The following PTPRQ variants were observed in gnomAD, a reference collection of about 807,000 sequenced individuals.
The protein encoded by PTPRQ is protein tyrosine phosphatase receptor type Q, also known as phosphatidylinositol phosphatase PTPRQ.
In PTPRQ, 199 loss-of-function variants were observed where a neutral mutation model predicts 246.0. The observed-to-expected ratio is 0.81, with a 90% CI of 0.72 to 0.91. PTPRQ has a LOEUF of 0.91. PTPRQ is among the 40% of genes least tolerant of loss of function. PTPRQ has a pLI of 0.00. For missense variants in PTPRQ, 2,624 were observed against 2,528.4 expected, an observed-to-expected ratio of 1.04 and a Z score of -0.81; for synonymous variants, 869 against 853.2, an observed-to-expected ratio of 1.02 and a Z score of -0.32.
intron 14 of PTPRQ, among the ~76,000 whole-genome samples, chr12:80,499,682 C>CT (rs35320628): frequency 1.2e-4 from 18 of 151,786 alleles, no homozygotes; most frequent in African/African-American, 4.3e-4. Context: ...AATGCCTTAT[C>CT]TTTTTAAGAG....
Position 80,673,321 on chromosome 12 carries a change from T to C in PTPRQ, c.6738+17T>C, listed in dbSNP as rs936318881. On this transcript the variant is annotated intron_variant, in intron 43 of 44. Transcript: ENST00000644991. ...CAGAATCTGGTAAGATCTCTAAACCTGCACTGCATTCTAAAGTTCTAGAAT... is the reference window on the plus strand; with the variant it reads ...CAGAATCTGGTAAGATCTCTAAACCCGCACTGCATTCTAAAGTTCTAGAAT... 1 of 1,538,250 alleles carries C rather than the reference T, an allele frequency of 6.5e-7. No individual in the cohort carries two copies. The highest frequency in any genetic ancestry group is 8.8e-7 in the Non-Finnish European group (1 of 1,141,546).
At chr12:80,463,535 T>C (rs550798172) in intron 6 of PTPRQ, among the ~76,000 whole-genome samples, 5,920 of 151,866 alleles carry the variant, frequency 0.039, 395 homozygotes, top group African/African-American at 0.14. Context: ...AGATACTCCT[T>C]GAGAAGAGCA....
intron 22 of PTPRQ, 120 bp from the exon 23 acceptor site, chr12:80,542,610 A>G: frequency 8.0e-7 from 1 of 1,252,988 alleles, no homozygotes; most frequent in African/African-American, 1.6e-5. Context: ...TGTTTCTGAA[A>G]TTTAAATATG....
At chr12:80,539,742 T>C in intron 19 of PTPRQ, 34 bp from the exon 20 acceptor site, 1 of 1,492,866 alleles carries the variant, frequency 6.7e-7, no homozygotes, top group Non-Finnish European at 8.9e-7. Context: ...ACTAAAAAAA[T>C]ACATTCTGAA....
At chr12:80,618,063 C>T (rs1219596660) in intron 30 of PTPRQ, among the ~76,000 whole-genome samples, 1 of 151,318 alleles carries the variant, frequency 6.6e-6, no homozygotes. Flanking sequence ...CTTACACATC[C>T]AGTCTCATTT....
intron 27 of PTPRQ, among the ~76,000 whole-genome samples, chr12:80,606,296 A>G (rs1406169): frequency 0.063 from 9,538 of 150,990 alleles, 913 homozygotes; most frequent in African/African-American, 0.2. Context: ...CAAAATTATA[A>G]GAGTGAATGA....
rs1161543075 is a variant in PTPRQ, at chr12:80,445,620, C to T, written c.293C>T (p.Pro98Leu). 54 of 1,549,788 alleles carry T rather than the reference C, an allele frequency of 3.5e-5. No homozygotes were observed. Among genetic ancestry groups the T allele is most frequent in the South Asian group, 7.1e-5 (6 of 84,012 alleles). The change falls in exon 3 of 45, where the codon CCG becomes CTG. Residue 98 changes from proline to leucine, a missense_variant. Coordinates refer to ENST00000644991, the MANE Select transcript of PTPRQ (RefSeq NM_001145026.2). ...ATTGTCAAATATAAGGAAGTTTGTC[C>T]GTGGATGCAAACAGTATATACACAA... ...SYIVKYKEVCPWMQTVYTQVR... is the reference protein window; with the variant it reads ...SYIVKYKEVCLWMQTVYTQVR...
chr12:80,510,992 C>T (rs1225886492), intron 17 of PTPRQ, among the ~76,000 whole-genome samples: 2 of 152,250 alleles, frequency 1.3e-5, no homozygotes, highest in Middle Eastern at 3.4e-3. Flanking sequence ...CATGCTTATA[C>T]TACTTCATGA....
intron 28 of PTPRQ, 47 bp from the exon 29 acceptor site, chr12:80,613,540 TAAAAA>T: frequency 2.8e-6 from 4 of 1,427,126 alleles, no homozygotes; most frequent in Non-Finnish European, 3.7e-6. Flanking sequence ...TATGTGGAGA[TAAAAA>T]GGAATACAAT....
intron 24 of PTPRQ, among the ~76,000 whole-genome samples, chr12:80,548,364 T>C (rs1035796489): frequency 2.0e-5 from 3 of 152,154 alleles, no homozygotes; most frequent in African/African-American, 4.8e-5. Flanking sequence ...AATGTTCTTA[T>C]ATGATTCTGA....
At chr12:80,614,742 A>T (rs952603767) in intron 29 of PTPRQ, among the ~76,000 whole-genome samples, 3 of 150,798 alleles carry the variant, frequency 2.0e-5, no homozygotes. Context: ...CGTCTGTGCC[A>T]GGGCAGCTTT....
At chr12:80,510,502 G>A in intron 17 of PTPRQ, 59 bp downstream of exon 17, 6 of 1,381,952 alleles carry the variant, frequency 4.3e-6, no homozygotes, top group Non-Finnish European at 5.7e-6. Flanking sequence ...TAACATAATA[G>A]GAATGTAGCT....
intron 33 of PTPRQ, among the ~76,000 whole-genome samples, chr12:80,623,518 A>G (rs1899076359): frequency 6.6e-6 from 1 of 152,138 alleles, no homozygotes; most frequent in Non-Finnish European, 1.5e-5. Context: ...CACCACAGTA[A>G]AATAAATGTC....
At chr12:80,485,464 C>T (rs763975592) in intron 9 of PTPRQ, among the ~76,000 whole-genome samples, 6 of 152,150 alleles carry the variant, frequency 3.9e-5, no homozygotes, top group African/African-American at 7.2e-5. Context: ...GCTGCTTCTA[C>T]CTGTGCTGTT....
intron 25 of PTPRQ, among the ~76,000 whole-genome samples, chr12:80,551,457 T>C (rs1024804554): frequency 7.9e-5 from 12 of 152,154 alleles, no homozygotes; most frequent in African/African-American, 2.9e-4. Flanking sequence ...CACACTACTT[T>C]AGCCTACCCA....
chr12:80,546,688 C>G lies in PTPRQ; in HGVS notation c.4006C>G (p.Gln1336Glu), dbSNP rs1896318374. ...TAGTAATGTAGTAAAATTCACAACCCAAGAATCAGGTTAGATACAGTTTTT... is the reference window on the plus strand; with the variant it reads ...TAGTAATGTAGTAAAATTCACAACCGAAGAATCAGGTTAGATACAGTTTTT... ...QFSNVVKFTTQESVPDVVQNM... is the reference protein window; with the variant it reads ...QFSNVVKFTTEESVPDVVQNM... The change falls in exon 24 of 45, where the codon CAA becomes GAA. Residue 1336 changes from glutamine (Q) to glutamate (E), a missense_variant. Physicochemically the swap from Gln to Glu is conservative, Grantham distance 29 (BLOSUM62 2). Coordinates refer to ENST00000644991, the MANE Select transcript of PTPRQ (RefSeq NM_001145026.2). The G allele has an allele frequency of 1.9e-6, 3 of 1,550,840 alleles. No individual in the cohort carries two copies. The highest frequency in any genetic ancestry group is 1.7e-4 in the Middle Eastern group (1 of 5,988).
intron 25 of PTPRQ, among the ~76,000 whole-genome samples, chr12:80,554,824 C>A (rs1031363406): frequency 2.0e-5 from 3 of 152,138 alleles, no homozygotes; most frequent in Non-Finnish European, 4.4e-5. Context: ...CTCACTGTAG[C>A]CTTAACCTCC....
At chr12:80,589,289 G>A (rs1037447358) in intron 26 of PTPRQ, among the ~76,000 whole-genome samples, 1 of 152,098 alleles carries the variant, frequency 6.6e-6, no homozygotes, top group Admixed American at 6.5e-5. Flanking sequence ...AGAGCTCTGG[G>A]AAATGGCTGC....
intron 33 of PTPRQ, among the ~76,000 whole-genome samples, chr12:80,631,515 C>T (rs1431084635): frequency 6.6e-6 from 1 of 152,122 alleles, no homozygotes; most frequent in Admixed American, 6.5e-5. Flanking sequence ...ATCATTTGTT[C>T]CTTTTATACC....
Sources: gnomAD v4.1 joint callset for allele counts (sites outside exome capture counted in the v4.1 genomes callset) on GRCh38, gnomAD v4.1.1 for gene constraint, MANE v1.5 for transcripts, NCBI Gene and HGNC (gene_info 2026-07-23, HGNC 2026-07-21) for gene names.